ZFHX3: variants seen among roughly 807,000 people sequenced by gnomAD.
The protein encoded by ZFHX3 is zinc finger homeobox protein 3.
A neutral mutation model predicts 279.1 loss-of-function variants in ZFHX3; 42 were observed. That is an observed-to-expected ratio of 0.15 (90% CI 0.12 to 0.19). ZFHX3 has a LOEUF of 0.19. Ranked by LOEUF, ZFHX3 falls within the 10% of genes least tolerant of loss-of-function variation. ZFHX3 has a pLI of 1.00. For missense variants in ZFHX3, 4,981 were observed against 4,754.0 expected, an observed-to-expected ratio of 1.05 and a Z score of -1.40; for synonymous variants, 2,293 against 1,957.8, an observed-to-expected ratio of 1.17 and a Z score of -4.52.
intron 1 of ZFHX3, among the ~76,000 whole-genome samples, chr16:73,044,046 G>A (rs1177957191): frequency 1.3e-5 from 2 of 152,162 alleles, no homozygotes; most frequent in Non-Finnish European, 2.9e-5. Flanking sequence ...AGGACACTGT[G>A]CTTTGGACAG....
chr16:72,820,412 G>C (rs370532437), intron 5 of ZFHX3, among the ~76,000 whole-genome samples: 4 of 152,298 alleles, frequency 2.6e-5, no homozygotes, highest in African/African-American at 9.6e-5. Flanking sequence ...CTCCCTCTGT[G>C]TCAGGTTTGC....
intron 1 of ZFHX3, among the ~76,000 whole-genome samples, chr16:73,851,093 T>C (rs185044765): frequency 2.0e-5 from 3 of 152,322 alleles, no homozygotes; most frequent in African/African-American, 7.2e-5. Context: ...TTCCGAGTTA[T>C]AGTCTGTCTT....
intron 5 of ZFHX3, among the ~76,000 whole-genome samples, chr16:73,166,247 T>C (rs941341128): frequency 6.6e-6 from 1 of 152,042 alleles, no homozygotes; most frequent in African/African-American, 2.4e-5. Flanking sequence ...ATGCCAGAAA[T>C]TGGTGTGACA....
chr16:73,675,446 T>G (rs934415528), intron 2 of ZFHX3, among the ~76,000 whole-genome samples: 5 of 152,148 alleles, frequency 3.3e-5, no homozygotes, highest in Non-Finnish European at 7.4e-5. Flanking sequence ...TGTTCATTCA[T>G]CTATCCATTA....
chr16:73,756,677 G>C (rs2053812275), intron 1 of ZFHX3, among the ~76,000 whole-genome samples: 1 of 151,998 alleles, frequency 6.6e-6, no homozygotes, highest in Non-Finnish European at 1.5e-5. Context: ...CTTGGGTCCG[G>C]AAAGCCCAGG....
intron 1 of ZFHX3, among the ~76,000 whole-genome samples, chr16:73,805,167 TTATTA>T (rs1255884160): frequency 4.6e-5 from 7 of 152,098 alleles, no homozygotes; most frequent in Non-Finnish European, 7.4e-5. Context: ...ATTTTTATTT[TTATTA>T]TATTTTATTT....
chr16:72,835,470 G>T (rs911505818), intron 4 of ZFHX3, among the ~76,000 whole-genome samples: 2 of 152,066 alleles, frequency 1.3e-5, no homozygotes, highest in African/African-American at 2.4e-5. Context: ...CTGGAATGAG[G>T]TTTACCAGAA....
At chr16:73,764,403 T>A (rs2053905131) in intron 1 of ZFHX3, among the ~76,000 whole-genome samples, 2 of 152,138 alleles carry the variant, frequency 1.3e-5, no homozygotes, top group Admixed American at 1.3e-4. Flanking sequence ...GAACAGAACC[T>A]GCCAGGCTCT....
At chr16:73,294,576 C>T (rs1161639906) in intron 4 of ZFHX3, among the ~76,000 whole-genome samples, 1 of 152,032 alleles carries the variant, frequency 6.6e-6, no homozygotes, top group Admixed American at 6.6e-5. Context: ...TTCGGGAGGC[C>T]GAGATGGGCA....
At chr16:72,919,333 A>AT (rs1168569785) in intron 3 of ZFHX3, among the ~76,000 whole-genome samples, 1 of 151,456 alleles carries the variant, frequency 6.6e-6, no homozygotes, top group African/African-American at 2.4e-5. Context: ...TAATTTTTGT[A>AT]TTTTTTTGTA....
chr16:73,409,732 T>C (rs569774653), intron 3 of ZFHX3, among the ~76,000 whole-genome samples: 1 of 152,230 alleles, frequency 6.6e-6, no homozygotes, highest in South Asian at 2.1e-4. Context: ...ACATGACGAA[T>C]GGATAAAGAA....
chr16:72,906,993 T>A (rs1205190953), intron 3 of ZFHX3, among the ~76,000 whole-genome samples: 2 of 152,182 alleles, frequency 1.3e-5, no homozygotes, highest in African/African-American at 4.8e-5. Flanking sequence ...CAGTGGCATG[T>A]GGACACAGAC....
intron 3 of ZFHX3, among the ~76,000 whole-genome samples, chr16:72,891,830 T>C (rs2038780361): frequency 6.6e-6 from 1 of 152,182 alleles, no homozygotes; most frequent in African/African-American, 2.4e-5. Context: ...CATGGAGCCA[T>C]GGCAGGCACA....
chr16:73,143,106 A>C (rs1403509811), intron 6 of ZFHX3, among the ~76,000 whole-genome samples: 1 of 152,042 alleles, frequency 6.6e-6, no homozygotes, highest in Admixed American at 6.5e-5. Context: ...GAGTCTGAGA[A>C]TAAGCCAACC....
chr16:73,728,308 G>A (rs1274285465), intron 1 of ZFHX3, among the ~76,000 whole-genome samples: 1 of 152,154 alleles, frequency 6.6e-6, no homozygotes, highest in Admixed American at 6.5e-5. Context: ...AAGCAGCGCT[G>A]CTGACACCTT....
intron 1 of ZFHX3, among the ~76,000 whole-genome samples, chr16:73,877,209 G>GGC (rs1555506303): frequency 7.0e-6 from 1 of 141,934 alleles, no homozygotes; most frequent in African/African-American, 2.6e-5. Flanking sequence ...GGTCGGGGGG[G>GGC]GGTCCCAGGC....
At chr16:73,673,444 A>G (rs2052923519) in intron 2 of ZFHX3, among the ~76,000 whole-genome samples, 1 of 152,160 alleles carries the variant, frequency 6.6e-6, no homozygotes, top group Non-Finnish European at 1.5e-5. Flanking sequence ...CCTTATATTT[A>G]TCCTGCTGTT....
At chr16:72,952,512 C>G (rs1198003309) in intron 2 of ZFHX3, among the ~76,000 whole-genome samples, 1 of 152,202 alleles carries the variant, frequency 6.6e-6, no homozygotes, top group Non-Finnish European at 1.5e-5. Flanking sequence ...GGACAGGGGT[C>G]CAGTCTTATC....
chr16:73,516,131 A>C (rs1229696246), intron 2 of ZFHX3, among the ~76,000 whole-genome samples: 3 of 152,188 alleles, frequency 2.0e-5, no homozygotes, highest in Non-Finnish European at 4.4e-5. Flanking sequence ...GAGCTATACA[A>C]ATGCATTTTG....
Sources: gnomAD v4.1 joint callset for allele counts (sites outside exome capture counted in the v4.1 genomes callset) on GRCh38, gnomAD v4.1.1 for gene constraint, MANE v1.5 for transcripts, NCBI Gene and HGNC (gene_info 2026-07-23, HGNC 2026-07-21) for gene names.